OSCP1: variants seen among roughly 807,000 people sequenced by gnomAD.
OSCP1 encodes protein OSCP1.
A neutral mutation model predicts 45.1 loss-of-function variants in OSCP1; 35 were observed. That is an observed-to-expected ratio of 0.78 (90% CI 0.59 to 1.03). The LOEUF (loss-of-function observed/expected upper bound fraction) is 1.03, where lower values mean the gene tolerates loss of function less well. OSCP1 is among the 50% of genes least tolerant of loss of function. The pLI, the probability that OSCP1 is intolerant of heterozygous loss-of-function variation, is 0.00. For synonymous variants in OSCP1, 179 were observed against 180.1 expected (o/e 0.99, Z 0.05); for missense variants, 400 against 470.7 (o/e 0.85, Z 1.39).
intron 1 of OSCP1, among the ~76,000 whole-genome samples, chr1:36,442,035 C>G (rs1649217287): frequency 6.6e-6 from 1 of 151,956 alleles, no homozygotes; most frequent in Non-Finnish European, 1.5e-5. Context: ...CAAGACCAGC[C>G]TGACCAACAT....
chr1:36,434,406 C>T (rs562572472), intron 2 of OSCP1, among the ~76,000 whole-genome samples: 66 of 152,096 alleles, frequency 4.3e-4, no homozygotes, highest in African/African-American at 5.3e-4. Flanking sequence ...CTACACAATC[C>T]CATTTCTCCT....
chr1:36,424,450 G>GC (rs1314233286), intron 4 of OSCP1, among the ~76,000 whole-genome samples: 2 of 152,200 alleles, frequency 1.3e-5, no homozygotes, highest in African/African-American at 2.4e-5. Context: ...TGCAGGCCTT[G>GC]AGCTGTAAGA....
intron 1 of OSCP1, chr1:36,440,746 GA>G (rs1468644815): frequency 1.3e-5 from 2 of 152,182 alleles, no homozygotes; most frequent in Non-Finnish European, 1.5e-5. Context: ...CATTTGCAAG[GA>G]AACAGGCACA....
chr1:36,441,750 CAAAAAAAAAA>C lies in OSCP1; in HGVS notation c.113-2850_113-2841del, dbSNP rs575967932. ...TGGGTAACAGAGCGAGACTCCAGCT[CAAAAAAAAAA>C]AAAAAAAAAAAAGTAATTTGTTTTT... On this transcript the variant is annotated intron_variant, in intron 1 of 9. Transcript: ENST00000235532. Among the ~76,000 whole-genome samples, 5 of 58,282 alleles carry C rather than the reference CAAAAAAAAAA, an allele frequency of 8.6e-5. No homozygotes were observed. In the East Asian group the frequency reaches 2.4e-3, roughly 28 times the overall value. The allele number at this position is 58,282 out of a possible 152,430, so 38.2% of individuals were successfully genotyped here.
intron 1 of OSCP1, among the ~76,000 whole-genome samples, chr1:36,442,181 G>A (rs1185141888): frequency 6.7e-6 from 1 of 149,508 alleles, no homozygotes; most frequent in Non-Finnish European, 1.5e-5. Flanking sequence ...AGCTGGGATC[G>A]CTCCATTGCA....
intron 1 of OSCP1, among the ~76,000 whole-genome samples, chr1:36,441,876 G>A (rs1463861854): frequency 6.6e-6 from 1 of 151,466 alleles, no homozygotes; most frequent in Non-Finnish European, 1.5e-5. Flanking sequence ...GCATGCAAAT[G>A]AGTTCTGCAT....
Position 36,422,801 on chromosome 1 carries a change from T to A in OSCP1, c.716A>T (p.Tyr239Phe), listed in dbSNP as rs1197698787. 6.2e-7 allele frequency: 1 copy of A among 1,602,782 alleles called. No homozygotes were observed. The highest frequency in any genetic ancestry group is 2.2e-5 in the East Asian group (1 of 44,530). ...TCCCAGTTTCAGGACTCGGTCTCCA[T>A]AAAGTTCAAAAGAACCTTCTTTGGG... ...PAPKEGSFEL[Y>F]GDRVLKLGTN... The change falls in exon 6 of 10, where the codon TAT (tyrosine) becomes TTT (phenylalanine). Residue 239 changes from tyrosine to phenylalanine, a missense_variant. Tyr to Phe is a conservative substitution (Grantham distance 22). Transcript: ENST00000235532.
intron 5 of OSCP1, 82 bp downstream of exon 5, chr1:36,423,281 G>T (rs1570503270): frequency 2.4e-5 from 26 of 1,099,446 alleles, no homozygotes; most frequent in East Asian, 1.4e-4. Context: ...TGAGTGGCTT[G>T]GCAGTGCGGC....
chr1:36,422,714 T>TA, intron 6 of OSCP1, 54 bp downstream of exon 6: 1 of 1,399,626 alleles, frequency 7.1e-7, no homozygotes, highest in Middle Eastern at 1.9e-4. Flanking sequence ...TTTTTTTTTT[T>TA]AAATGAAGTG....
chr1:36,438,317 C>CAAAAAA (rs35430845), intron 2 of OSCP1, among the ~76,000 whole-genome samples: 3 of 73,798 alleles, frequency 4.1e-5, no homozygotes, highest in African/African-American at 1.2e-4. Context: ...AACTCCATCT[C>CAAAAAA]AAAAAAAAAA....
intron 4 of OSCP1, among the ~76,000 whole-genome samples, chr1:36,428,003 C>T (rs1057505438): frequency 1.4e-4 from 22 of 151,786 alleles, no homozygotes; most frequent in Non-Finnish European, 2.8e-4. Context: ...GTCTGGCCAA[C>T]GTGGTTAAAC....
intron 2 of OSCP1, among the ~76,000 whole-genome samples, chr1:36,436,097 TC>T (rs1557560405): frequency 3.3e-5 from 4 of 121,454 alleles, no homozygotes; most frequent in Admixed American, 8.6e-5. Flanking sequence ...TCTTTCTCTC[TC>T]TCTCTATTTT....
intron 1 of OSCP1, among the ~76,000 whole-genome samples, chr1:36,445,041 T>C (rs556524408): frequency 1.3e-5 from 2 of 152,296 alleles, no homozygotes; most frequent in African/African-American, 4.8e-5. Flanking sequence ...AAAAGTTCTA[T>C]ACACATCTGT....
intron 4 of OSCP1, among the ~76,000 whole-genome samples, chr1:36,426,526 C>A (rs980579011): frequency 8.5e-5 from 13 of 152,118 alleles, no homozygotes; most frequent in African/African-American, 2.9e-4. Context: ...TAGGATGTAC[C>A]TCAAATTCCC....
At chr1:36,420,355 T>C in intron 8 of OSCP1, 121 bp downstream of exon 8, 1 of 1,190,542 alleles carries the variant, frequency 8.4e-7, no homozygotes, top group African/African-American at 1.5e-5. Flanking sequence ...AATTTGTTGG[T>C]ATTTTATTTG....
At chr1:36,432,935 A>G (rs562179496) in intron 2 of OSCP1, among the ~76,000 whole-genome samples, 1 of 152,362 alleles carries the variant, frequency 6.6e-6, no homozygotes, top group African/African-American at 2.4e-5. Context: ...TGCAAATTTA[A>G]GTACTCCTTT....
Position 36,426,838 on chromosome 1 carries a change from C to T in OSCP1, c.517-3372G>A, listed in dbSNP as rs571318580. ...CTCCTACCTCAGCCTCCTGAATAGCCGGGACTACAGGCATGTGCCACCACA... is the reference window on the plus strand; with the variant it reads ...CTCCTACCTCAGCCTCCTGAATAGCTGGGACTACAGGCATGTGCCACCACA... On this transcript the variant is annotated intron_variant, in intron 4 of 9. Coordinates refer to ENST00000235532, the MANE Select transcript of OSCP1 (RefSeq NM_145047.5). 9.3e-5 allele frequency among the ~76,000 whole-genome samples: 14 copies of T among 151,324 alleles called. No homozygotes were observed. In the South Asian group the frequency reaches 1.5e-3, roughly 16 times the overall value.
intron 4 of OSCP1, among the ~76,000 whole-genome samples, chr1:36,428,005 T>C (rs1449669623): frequency 6.6e-6 from 1 of 151,778 alleles, no homozygotes; most frequent in African/African-American, 2.4e-5. Flanking sequence ...CTGGCCAACG[T>C]GGTTAAACCC....
intron 4 of OSCP1, among the ~76,000 whole-genome samples, chr1:36,426,359 C>T (rs539110234): frequency 1.1e-4 from 17 of 152,122 alleles, no homozygotes; most frequent in Admixed American, 2.6e-4. Context: ...CTTCTCCCTC[C>T]ACCCTTTCCT....
Sources: allele counts gnomAD v4.1 joint callset (sites outside exome capture counted in the v4.1 genomes callset), GRCh38; gene constraint gnomAD v4.1.1; transcripts MANE v1.5; gene names NCBI Gene and HGNC (gene_info 2026-07-23, HGNC 2026-07-21).